HCN1: variants seen among roughly 807,000 people sequenced by gnomAD.
HCN1 encodes potassium/sodium hyperpolarization-activated cyclic nucleotide-gated channel 1.
A neutral mutation model predicts 78.9 loss-of-function variants in HCN1; 13 were observed. The observed-to-expected ratio is 0.16, with a 90% confidence interval of 0.11 to 0.26. HCN1 has a LOEUF of 0.26. HCN1 is among the 10% of genes least tolerant of loss of function. The pLI, the probability that HCN1 is intolerant of heterozygous loss-of-function variation, is 1.00. For synonymous variants in HCN1, 552 were observed against 455.5 expected, an observed-to-expected ratio of 1.21 and a Z score of -2.70; for missense variants, 810 against 1,154.3, an observed-to-expected ratio of 0.70 and a Z score of 4.32.
At chr5:45,321,954 TAAG>T (rs1746134818) in intron 5 of HCN1, among the ~76,000 whole-genome samples, 1 of 151,852 alleles carries the variant, frequency 6.6e-6, no homozygotes, top group African/African-American at 2.4e-5. Context: ...GTCAGGTAAA[TAAG>T]AAGCATTTCC....
At chr5:45,490,026 C>A (rs562380902) in intron 2 of HCN1, among the ~76,000 whole-genome samples, 2 of 152,148 alleles carry the variant, frequency 1.3e-5, no homozygotes, top group African/African-American at 4.8e-5. Context: ...CTTGGCAAAC[C>A]TACTGACAAT....
chr5:45,519,677 G>T (rs1452090954), intron 2 of HCN1, among the ~76,000 whole-genome samples: 1 of 151,856 alleles, frequency 6.6e-6, no homozygotes, highest in Non-Finnish European at 1.5e-5. Flanking sequence ...AATAGCATGA[G>T]ATTTTGAGTC....
chr5:45,412,552 C>T (rs774983020), intron 3 of HCN1, among the ~76,000 whole-genome samples: 1 of 152,050 alleles, frequency 6.6e-6, no homozygotes, highest in African/African-American at 2.4e-5. Context: ...GAAATCTCTC[C>T]CATATCTTCT....
intron 1 of HCN1, among the ~76,000 whole-genome samples, chr5:45,646,238 A>T (rs1745548249): frequency 6.6e-6 from 1 of 152,082 alleles, no homozygotes; most frequent in Admixed American, 6.6e-5. Context: ...TGCTAAAAAG[A>T]ACTGAGCAAG....
intron 2 of HCN1, among the ~76,000 whole-genome samples, chr5:45,539,919 GATATAT>G (rs66934051): frequency 0.057 from 7,172 of 125,610 alleles, 245 homozygotes; most frequent in African/African-American, 0.12. Flanking sequence ...TAAATTGTGA[GATATAT>G]ATATATATAT....
At chr5:45,547,355 C>G (rs1353413939) in intron 2 of HCN1, among the ~76,000 whole-genome samples, 1 of 151,892 alleles carries the variant, frequency 6.6e-6, no homozygotes, top group African/African-American at 2.4e-5. Context: ...GATTTTTGCT[C>G]TATTCAATAT....
chr5:45,396,224 T>A (rs575014762), intron 4 of HCN1, among the ~76,000 whole-genome samples: 1 of 152,274 alleles, frequency 6.6e-6, no homozygotes, highest in South Asian at 2.1e-4. Context: ...ATCAGCTTTT[T>A]ACATTTTGAA....
chr5:45,401,192 T>A (rs1579869909), intron 3 of HCN1, among the ~76,000 whole-genome samples: 1 of 152,306 alleles, frequency 6.6e-6, no homozygotes, highest in East Asian at 1.9e-4. Flanking sequence ...TAAAAGGCAG[T>A]ACCTTTTCCA....
intron 5 of HCN1, among the ~76,000 whole-genome samples, chr5:45,335,329 G>A (rs1378846803): frequency 1.3e-5 from 2 of 151,960 alleles, no homozygotes; most frequent in African/African-American, 4.8e-5. Context: ...GTTCTATTAG[G>A]TTCTACTAAT....
intron 2 of HCN1, among the ~76,000 whole-genome samples, chr5:45,505,956 A>T (rs1002816572): frequency 1.3e-5 from 2 of 152,104 alleles, no homozygotes; most frequent in Non-Finnish European, 2.9e-5. Flanking sequence ...TAAAGGTATC[A>T]TTATATCTTG....
At chr5:45,511,103 C>G (rs1239653876) in intron 2 of HCN1, among the ~76,000 whole-genome samples, 1 of 151,898 alleles carries the variant, frequency 6.6e-6, no homozygotes, top group Non-Finnish European at 1.5e-5. Context: ...TACCCAGTAC[C>G]TAGATGATGG....
intron 3 of HCN1, among the ~76,000 whole-genome samples, chr5:45,405,188 C>G (rs1283235650): frequency 6.6e-6 from 1 of 151,962 alleles, no homozygotes; most frequent in Non-Finnish European, 1.5e-5. Context: ...TTGGAAATGC[C>G]AATCAGATAG....
intron 5 of HCN1, among the ~76,000 whole-genome samples, chr5:45,325,603 T>A (rs1002043235): frequency 1.3e-5 from 2 of 151,706 alleles, no homozygotes; most frequent in Non-Finnish European, 1.5e-5. Flanking sequence ...TTCTTTTCCG[T>A]CAGCATTTCC....
chr5:45,408,863 C>G (rs1426585300), intron 3 of HCN1, among the ~76,000 whole-genome samples: 1 of 152,060 alleles, frequency 6.6e-6, no homozygotes, highest in Non-Finnish European at 1.5e-5. Context: ...TTGTGCTGGG[C>G]TCAAGTTTCT....
In HCN1 at chr5:45,326,618, T is replaced by A. The variant is rs565908760; in HGVS notation, c.1378-22779A>T. Among the ~76,000 whole-genome samples, 9 of 151,782 alleles carry A rather than the reference T, an allele frequency of 5.9e-5. No individual in the cohort carries two copies. The East Asian group carries it at 1.8e-3, about 30-fold the overall frequency. ...TGCTAAATTAATAGATTTCAAGTTA[T>A]AAGTCAAAGGTAATTAGCCTAAAAT... On this transcript the variant is annotated intron_variant, in intron 5 of 7. Transcript: ENST00000303230.
At chr5:45,442,501 T>G (rs1740696914) in intron 3 of HCN1, among the ~76,000 whole-genome samples, 1 of 151,254 alleles carries the variant, frequency 6.6e-6, no homozygotes, top group Admixed American at 6.6e-5. Flanking sequence ...TAAAATGATA[T>G]ATAAGTATAT....
chr5:45,312,012 C>A, intron 5 of HCN1, among the ~76,000 whole-genome samples: 1 of 152,150 alleles, frequency 6.6e-6, no homozygotes, highest in Admixed American at 6.5e-5. Context: ...CACGTTGGAA[C>A]CCAAGGTGTA....
intron 5 of HCN1, among the ~76,000 whole-genome samples, chr5:45,330,208 C>A (rs1430003912): frequency 1.3e-5 from 2 of 151,206 alleles, no homozygotes; most frequent in Admixed American, 6.6e-5. Context: ...TTTGTATGTT[C>A]CAAGATCCAA....
intron 2 of HCN1, among the ~76,000 whole-genome samples, chr5:45,462,965 T>C (rs1194760189): frequency 6.6e-6 from 1 of 152,016 alleles, no homozygotes; most frequent in Admixed American, 6.6e-5. Context: ...AGACCTACAT[T>C]GTAGAACTAA....
Sources: gnomAD v4.1 joint callset for allele counts (sites outside exome capture counted in the v4.1 genomes callset) on GRCh38, gnomAD v4.1.1 for gene constraint, MANE v1.5 for transcripts, NCBI Gene and HGNC (gene_info 2026-07-23, HGNC 2026-07-21) for gene names.